COL23A1: variants seen among roughly 807,000 people sequenced by gnomAD.
COL23A1 encodes collagen alpha-1(XXIII) chain.
A neutral mutation model predicts 99.3 loss-of-function variants in COL23A1; 97 were observed. That is an observed-to-expected ratio of 0.98 (90% CI 0.83 to 1.16). COL23A1 has a LOEUF of 1.16. Among genes scored for constraint, COL23A1 ranks in the 50% most tolerant of loss-of-function variants. The pLI is 0.00. For missense variants in COL23A1, 762 were observed against 757.4 expected (o/e 1.01, Z -0.07); for synonymous variants, 320 against 308.2 (o/e 1.04, Z -0.40).
rs749267629 is a variant in COL23A1 at position 178,560,757 on chromosome 5, GA to G, written c.295-10del. 21,144 of 1,058,050 alleles carry G rather than the reference GA, an allele frequency of 0.02. 1 individual carries two copies. The highest frequency in any genetic ancestry group is 0.035 in the Admixed American group (1,393 of 39,778). 65.5% of individuals were successfully genotyped at this position (1,058,050 alleles called of 1,614,324 possible). On this transcript the variant is annotated splice_polypyrimidine_tract_variant and intron_variant, in intron 1 of 28. Transcript: ENST00000390654. ...GCTAGTCCGTCCAACTTCTGAGCCG[GA>G]AAAAAAAAAAGAAAAAAAACGAGGA...
intron 2 of COL23A1, among the ~76,000 whole-genome samples, chr5:178,421,825 CG>C (rs1765647275): frequency 6.6e-6 from 1 of 152,182 alleles, no homozygotes; most frequent in African/African-American, 2.4e-5. Context: ...GCTGAGATGG[CG>C]TCATTGCACT....
chr5:178,352,780 C>A (rs139367991), intron 2 of COL23A1, among the ~76,000 whole-genome samples: 1 of 152,236 alleles, frequency 6.6e-6, no homozygotes, highest in Non-Finnish European at 1.5e-5. Context: ...CATAACTGCC[C>A]CCCAGGGCTG....
intron 2 of COL23A1, among the ~76,000 whole-genome samples, chr5:178,539,441 G>A (rs1278507439): frequency 6.7e-6 from 1 of 150,362 alleles, no homozygotes; most frequent in African/African-American, 2.4e-5. Context: ...AGCTACTTGA[G>A]AGGCTGAAGC....
chr5:178,305,447 G>C (rs1417912907), intron 3 of COL23A1, among the ~76,000 whole-genome samples: 3 of 152,180 alleles, frequency 2.0e-5, no homozygotes, highest in Non-Finnish European at 4.4e-5. Context: ...AGCCAGCCTG[G>C]CTTCGTCACC....
At chr5:178,531,190 A>G (rs1386660407) in intron 2 of COL23A1, among the ~76,000 whole-genome samples, 1 of 152,168 alleles carries the variant, frequency 6.6e-6, no homozygotes, top group Admixed American at 6.6e-5. Flanking sequence ...TAAGCTATGA[A>G]CTTTTGGGAT....
chr5:178,548,073 C>T (rs1185510605), intron 2 of COL23A1, among the ~76,000 whole-genome samples: 1 of 88,108 alleles, frequency 1.1e-5, no homozygotes, highest in East Asian at 3.6e-4. Context: ...CCCCTCACCC[C>T]CACACACACA....
intron 2 of COL23A1, among the ~76,000 whole-genome samples, chr5:178,383,103 C>A (rs886278176): frequency 1.3e-5 from 2 of 152,138 alleles, no homozygotes; most frequent in African/African-American, 4.8e-5. Context: ...TGCATAGGAG[C>A]TTGCTGGCAG....
At chr5:178,551,414 T>C (rs1044091625) in intron 2 of COL23A1, among the ~76,000 whole-genome samples, 2 of 152,072 alleles carry the variant, frequency 1.3e-5, no homozygotes, top group African/African-American at 4.8e-5. Context: ...TTTTTTTCCT[T>C]TCATCAGTGG....
At position 178,253,902 on chromosome 5, in the gene COL23A1, G is replaced by A. The variant is rs147912056; in HGVS notation, c.960+1047C>T. 3.4e-3 allele frequency among the ~76,000 whole-genome samples: 515 copies of A among 151,682 alleles called. 2 individuals are homozygous for A. The highest frequency in any genetic ancestry group is 0.011 in the African/African-American group (467 of 41,424). On this transcript the variant is annotated intron_variant, in intron 16 of 28. Transcript: ENST00000390654. The stretch of plus-strand genomic sequence containing the variant: ...TCTCTGGCTGGGCGTGGTGGCTCAC[G>A]CCTATAATCCCAGCACTTTGGGAGG...
chr5:178,252,772 C>T (rs1472575917), intron 16 of COL23A1, among the ~76,000 whole-genome samples, 175 bp from the exon 17 acceptor site: 3 of 152,238 alleles, frequency 2.0e-5, no homozygotes, highest in Non-Finnish European at 4.4e-5. Context: ...AAGGCTTTAT[C>T]TGGCCTCCCA....
At chr5:178,464,173 T>A (rs1454767149) in intron 2 of COL23A1, among the ~76,000 whole-genome samples, 3 of 152,216 alleles carry the variant, frequency 2.0e-5, no homozygotes, top group Non-Finnish European at 4.4e-5. Context: ...AGCTCTTTCA[T>A]CTTCCCAAAC....
At chr5:178,440,084 T>C (rs894940949) in intron 2 of COL23A1, 1 of 152,190 alleles carries the variant, frequency 6.6e-6, no homozygotes, top group African/African-American at 2.4e-5. Context: ...TAAAACTGGA[T>C]GGTGGTTGGA....
rs17081176 is a variant in COL23A1, at chr5:178,377,142, G to A, written c.362-70223C>T. 2.3e-3 allele frequency among the ~76,000 whole-genome samples: 358 copies of A among 152,342 alleles called. 2 individuals are homozygous for A. The highest frequency in any genetic ancestry group is 8.3e-3 in the African/African-American group (345 of 41,582). ...CTACGCGGGCCACGCACAGGAAAGCGTCTGAGTCAGCAGTGGGCAGCGGGT... is the reference window on the plus strand; with the variant it reads ...CTACGCGGGCCACGCACAGGAAAGCATCTGAGTCAGCAGTGGGCAGCGGGT... On this transcript the variant is annotated intron_variant, in intron 2 of 28. Coordinates refer to ENST00000390654, the MANE Select transcript of COL23A1 (RefSeq NM_173465.4).
Position 178,238,512 on chromosome 5 carries a change from C to A in COL23A1, c.*186G>T. Reference sequence around the variant, plus strand: ...CCCCTCAGGTACACATCTCCCTGGTCTGGCCTGTCCACTTTCCGGCAGCTT... The same window carrying A: ...CCCCTCAGGTACACATCTCCCTGGTATGGCCTGTCCACTTTCCGGCAGCTT... On this transcript the variant is annotated 3_prime_UTR_variant, in exon 29 of 29. Coordinates refer to ENST00000390654, the MANE Select transcript of COL23A1 (RefSeq NM_173465.4). The A allele has an allele frequency of 1.4e-6, 1 of 725,738 alleles. No individual in the cohort carries two copies. 45.0% of individuals were successfully genotyped at this position (725,738 alleles called of 1,614,324 possible).
chr5:178,239,099 T>G, intron 28 of COL23A1, 42 bp downstream of exon 28: 1 of 1,413,330 alleles, frequency 7.1e-7, no homozygotes, highest in Non-Finnish European at 9.9e-7. Context: ...CACCCTCCCC[T>G]GCCTCTCCCA....
At chr5:178,477,724 T>C (rs192742381) in intron 2 of COL23A1, among the ~76,000 whole-genome samples, 31 of 152,186 alleles carry the variant, frequency 2.0e-4, no homozygotes, top group Non-Finnish European at 2.4e-4. Flanking sequence ...GTACCCCTCC[T>C]TCCTTCCCGC....
At chr5:178,368,511 G>A (rs1271276927) in intron 2 of COL23A1, among the ~76,000 whole-genome samples, 2 of 152,144 alleles carry the variant, frequency 1.3e-5, no homozygotes, top group Non-Finnish European at 2.9e-5. Flanking sequence ...GGGTTTGGAC[G>A]ACTGTGTAAT....
In COL23A1 at chr5:178,281,365, C is replaced by T. The variant is rs948710891; in HGVS notation, c.441+6959G>A. ...TAATTCCAAACCGTCCATCCGAGTC[C>T]TTCATTTCAAAATTGGTCCCAGGCC... is the stretch of plus-strand genomic sequence containing the variant. On this transcript the variant is annotated intron_variant, in intron 5 of 28. Coordinates refer to ENST00000390654, the MANE Select transcript of COL23A1 (RefSeq NM_173465.4). The surrounding 1 kb of genome is among the most constrained non-coding windows in gnomAD (Gnocchi z 4.0). Among the ~76,000 whole-genome samples the T allele has an allele frequency of 1.1e-4, 17 of 152,132 alleles. No homozygotes were observed. The highest frequency in any genetic ancestry group is 3.9e-4 in the African/African-American group (16 of 41,422).
chr5:178,240,517 G>A (rs1764337518), intron 27 of COL23A1, among the ~76,000 whole-genome samples: 1 of 152,156 alleles, frequency 6.6e-6, no homozygotes, highest in Admixed American at 6.5e-5. Flanking sequence ...GCCCCTCTCC[G>A]GCCTCCGCAC....
Sources: allele counts gnomAD v4.1 joint callset (sites outside exome capture counted in the v4.1 genomes callset), GRCh38; gene constraint gnomAD v4.1.1; non-coding constraint Gnocchi (gnomAD v3.1); transcripts MANE v1.5; gene names NCBI Gene and HGNC (gene_info 2026-07-23, HGNC 2026-07-21).